RALGAPA1: variants seen among roughly 807,000 people sequenced by gnomAD.
RALGAPA1 encodes the protein ral GTPase-activating protein subunit alpha-1.
RALGAPA1 carries 52 observed loss-of-function variants against 269.6 expected under a neutral mutation model. The observed-to-expected ratio is 0.19, with a 90% CI of 0.15 to 0.24. The LOEUF (loss-of-function observed/expected upper bound fraction) is 0.24. Among genes scored for constraint, RALGAPA1 ranks in the 10% least tolerant of loss-of-function variants. The pLI is 1.00. For synonymous variants in RALGAPA1, 817 were observed against 1,008.3 expected, an observed-to-expected ratio of 0.81 and a Z score of 3.60; for missense variants, 1,917 against 3,013.9, an observed-to-expected ratio of 0.64 and a Z score of 8.52.
intron 36 of RALGAPA1, among the ~76,000 whole-genome samples, chr14:35,597,278 C>T (rs530088037): frequency 2.0e-5 from 3 of 152,244 alleles, no homozygotes; most frequent in South Asian, 2.1e-4. Context: ...TGAGAATGCC[C>T]GTTTCCCTCA....
At chr14:35,798,157 G>A (rs1035173428) in intron 1 of RALGAPA1, among the ~76,000 whole-genome samples, 2 of 148,534 alleles carry the variant, frequency 1.3e-5, no homozygotes, top group African/African-American at 5.0e-5. Flanking sequence ...ACAGGTGCGA[G>A]CTAACACGCT....
chr14:35,604,890 A>G (rs1378277154), intron 36 of RALGAPA1, among the ~76,000 whole-genome samples: 2 of 152,114 alleles, frequency 1.3e-5, no homozygotes, highest in Non-Finnish European at 2.9e-5. Flanking sequence ...TTCAATTCAA[A>G]TAAACATACT....
chr14:35,731,024 T>C (rs1385293403), intron 12 of RALGAPA1, among the ~76,000 whole-genome samples: 1 of 152,334 alleles, frequency 6.6e-6, no homozygotes, highest in East Asian at 1.9e-4. Context: ...CTGGTATCCA[T>C]GGCCGAGACA....
At chr14:35,618,431 A>G (rs10129493) in intron 35 of RALGAPA1, among the ~76,000 whole-genome samples, 4 of 152,004 alleles carry the variant, frequency 2.6e-5, no homozygotes, top group African/African-American at 4.8e-5. Context: ...CATCCTTTCC[A>G]TATAAGAACT....
intron 16 of RALGAPA1, among the ~76,000 whole-genome samples, chr14:35,714,986 A>AT (rs1334026632): frequency 1.3e-5 from 2 of 151,964 alleles, no homozygotes; most frequent in African/African-American, 2.4e-5. Flanking sequence ...CAGATTATGC[A>AT]TTTTTTCTCT....
At chr14:35,773,066 T>C (rs1207349179) in intron 3 of RALGAPA1, among the ~76,000 whole-genome samples, 1 of 152,198 alleles carries the variant, frequency 6.6e-6, no homozygotes, top group African/African-American at 2.4e-5. Flanking sequence ...TAGAAAGAGA[T>C]AAACTTATAG....
intron 31 of RALGAPA1, among the ~76,000 whole-genome samples, chr14:35,647,824 T>G (rs1318713197): frequency 6.6e-6 from 1 of 151,784 alleles, no homozygotes; most frequent in Admixed American, 6.6e-5. Context: ...GGTGTGTGCT[T>G]GTAGCCCCAG....
At position 35,717,418 on chromosome 14, in the gene RALGAPA1, G is replaced by A. The variant is rs143223174; in HGVS notation, c.2266+4270C>T. Among the ~76,000 whole-genome samples the A allele has an allele frequency of 5.9e-5, 9 of 152,262 alleles. 1 individual carries two copies. In the South Asian group the frequency reaches 1.9e-3, roughly 32 times the overall value. ...GCCCGCCTCGGCCTCCCAAAGTTCTGGGATTACAGGCGTGAGCCACTGCGC... is the reference window on the plus strand; with the variant it reads ...GCCCGCCTCGGCCTCCCAAAGTTCTAGGATTACAGGCGTGAGCCACTGCGC... On this transcript the variant is annotated intron_variant, in intron 16 of 41. Coordinates refer to ENST00000680220, the MANE Select transcript of RALGAPA1 (RefSeq NM_001346249.2).
intron 12 of RALGAPA1, among the ~76,000 whole-genome samples, chr14:35,731,312 T>C (rs556921301): frequency 5.4e-4 from 82 of 152,174 alleles, no homozygotes; most frequent in Non-Finnish European, 9.9e-4. Flanking sequence ...TCTGGTAATA[T>C]GACAAAACAA....
At chr14:35,704,609 T>C (rs1281322855) in intron 16 of RALGAPA1, among the ~76,000 whole-genome samples, 6 of 152,154 alleles carry the variant, frequency 3.9e-5, no homozygotes, top group Non-Finnish European at 8.8e-5. Flanking sequence ...ACAAAACTGT[T>C]ACTTTGCAAA....
intron 16 of RALGAPA1, among the ~76,000 whole-genome samples, chr14:35,702,758 G>A (rs1265171279): frequency 1.0e-5 from 1 of 100,384 alleles, no homozygotes; most frequent in Admixed American, 9.9e-5. Context: ...TTTTTTTTTT[G>A]AGACGGAGTC....
rs749457862 is a variant in RALGAPA1 at position 35,635,614 on chromosome 14, A to G, written c.5677-16T>C. 6.5e-7 allele frequency: 1 copy of G among 1,534,010 alleles called. No individual in the cohort carries two copies. Among genetic ancestry groups the G allele is most frequent in the South Asian group, 1.3e-5 (1 of 76,596 alleles). On this transcript the variant is annotated splice_polypyrimidine_tract_variant and intron_variant, in intron 31 of 41. Coordinates refer to ENST00000680220, the MANE Select transcript of RALGAPA1 (RefSeq NM_001346249.2). ...ATACTACCAACTGTAACAACAATAGAATCATTATAATTGTACATTCATAAA... is the reference window on the plus strand; with the variant it reads ...ATACTACCAACTGTAACAACAATAGGATCATTATAATTGTACATTCATAAA...
At chr14:35,803,632 G>A (rs1358473795) in intron 1 of RALGAPA1, among the ~76,000 whole-genome samples, 2 of 149,354 alleles carry the variant, frequency 1.3e-5, no homozygotes, top group Non-Finnish European at 3.0e-5. Flanking sequence ...AATATATAAA[G>A]AACTTTTTTT....
At chr14:35,673,494 G>C (rs1340442926) in intron 24 of RALGAPA1, among the ~76,000 whole-genome samples, 1 of 152,196 alleles carries the variant, frequency 6.6e-6, no homozygotes, top group Non-Finnish European at 1.5e-5. Context: ...AGGAGTTCAA[G>C]GCTGCAGTGA....
chr14:35,760,264 A>G (rs2073588986), intron 6 of RALGAPA1, among the ~76,000 whole-genome samples: 1 of 152,162 alleles, frequency 6.6e-6, no homozygotes, highest in Non-Finnish European at 1.5e-5. Context: ...TCCCAGGGCT[A>G]GCCAGTTCCT....
intron 16 of RALGAPA1, among the ~76,000 whole-genome samples, chr14:35,713,280 A>G (rs1349503629): frequency 6.6e-6 from 1 of 152,216 alleles, no homozygotes; most frequent in African/African-American, 2.4e-5. Context: ...AGCTCAAGAT[A>G]CAATCATCAG....
At chr14:35,781,026 G>A (rs2141630902) in intron 1 of RALGAPA1, among the ~76,000 whole-genome samples, 1 of 151,978 alleles carries the variant, frequency 6.6e-6, no homozygotes, top group South Asian at 2.1e-4. Context: ...GATTAGAAAG[G>A]ACATAAAAGA....
chr14:35,598,062 C>T (rs2139054643), intron 36 of RALGAPA1, among the ~76,000 whole-genome samples: 1 of 152,194 alleles, frequency 6.6e-6, no homozygotes, highest in South Asian at 2.1e-4. Flanking sequence ...TGTTGAATTC[C>T]TCCATATACT....
intron 16 of RALGAPA1, among the ~76,000 whole-genome samples, chr14:35,712,711 T>C (rs934935900): frequency 3.9e-5 from 6 of 152,186 alleles, no homozygotes; most frequent in African/African-American, 1.2e-4. Context: ...CTCACTATGT[T>C]GCTCAGGCTA....
Sources: gnomAD v4.1 joint callset for allele counts (sites outside exome capture counted in the v4.1 genomes callset) on GRCh38, gnomAD v4.1.1 for gene constraint, MANE v1.5 for transcripts, NCBI Gene and HGNC (gene_info 2026-07-23, HGNC 2026-07-21) for gene names.